Variants in RAB3B observed in about 807,000 individuals in gnomAD.
RAB3B encodes RAB3B, member RAS oncogene family.
Under a neutral mutation model 20.5 loss-of-function variants are expected in RAB3B, and 11 were observed. That is an observed-to-expected ratio of 0.54 (90% CI 0.34 to 0.89). The LOEUF (loss-of-function observed/expected upper bound fraction) is 0.89. RAB3B is among the 40% of genes least tolerant of loss of function. The pLI is 0.02. For synonymous variants in RAB3B, 99 were observed against 106.3 expected (o/e 0.93, Z 0.42); for missense variants, 225 against 280.9 (o/e 0.80, Z 1.42).
At chr1:51,924,674 G>A (rs866287120) in intron 4 of RAB3B, among the ~76,000 whole-genome samples, 3 of 152,268 alleles carry the variant, frequency 2.0e-5, no homozygotes, top group East Asian at 1.9e-4. Flanking sequence ...AAAGGTACCC[G>A]GAATGTGAGA....
At chr1:51,974,085 A>G (rs1006421670) in intron 2 of RAB3B, among the ~76,000 whole-genome samples, 1 of 152,176 alleles carries the variant, frequency 6.6e-6, no homozygotes. Context: ...TCTGCCACCT[A>G]TAGCCTCTCC....
intron 2 of RAB3B, among the ~76,000 whole-genome samples, chr1:51,957,312 C>T (rs1384898525): frequency 1.3e-5 from 2 of 152,200 alleles, no homozygotes; most frequent in Admixed American, 6.5e-5. Context: ...CTTATCACAT[C>T]CTCCAAGAAG....
chr1:51,923,096 C>T (rs1429263010), intron 4 of RAB3B, among the ~76,000 whole-genome samples: 4 of 152,162 alleles, frequency 2.6e-5, no homozygotes, highest in Non-Finnish European at 5.9e-5. Flanking sequence ...AAAAGACATG[C>T]TAATAAAGGC....
intron 2 of RAB3B, among the ~76,000 whole-genome samples, chr1:51,971,437 T>TTA (rs1334209032): frequency 7.4e-6 from 1 of 135,660 alleles, no homozygotes; most frequent in Non-Finnish European, 1.6e-5. Flanking sequence ...TTTTCTTTTC[T>TTA]TTTTTTTTTT....
chr1:51,989,384 C>G (rs1336012587), intron 1 of RAB3B, among the ~76,000 whole-genome samples: 1 of 151,794 alleles, frequency 6.6e-6, no homozygotes, highest in Non-Finnish European at 1.5e-5. Flanking sequence ...TTTTTCTGTC[C>G]ACGATTCTCT....
chr1:51,938,392 T>C (rs1292865294), intron 2 of RAB3B, among the ~76,000 whole-genome samples: 1 of 152,064 alleles, frequency 6.6e-6, no homozygotes, highest in Non-Finnish European at 1.5e-5. Context: ...ATCAGACAAA[T>C]ATGTATGTAC....
Position 51,912,573 on chromosome 1 carries a change from A to T in RAB3B, c.*7354T>A, listed in dbSNP as rs1191299127. On this transcript the variant is annotated 3_prime_UTR_variant, in exon 5 of 5. Transcript: ENST00000371655. ...AAAAAAAATATATATATATATATAT[A>T]TATATATATATATATATATATATAT... 3.7e-5 allele frequency: 3 copies of T among 81,676 alleles called. No individual in the cohort carries two copies. The highest frequency in any genetic ancestry group is 2.6e-4 in the Admixed American group (2 of 7,580). 5.1% of individuals were successfully genotyped at this position (81,676 alleles called of 1,614,324 possible).
At chr1:51,985,410 G>A (rs1359078217) in intron 1 of RAB3B, among the ~76,000 whole-genome samples, 1 of 152,184 alleles carries the variant, frequency 6.6e-6, no homozygotes, top group Non-Finnish European at 1.5e-5. Context: ...CATTTTTCAA[G>A]TGCCAGACTA....
At chr1:51,951,795 C>T (rs960632749) in intron 2 of RAB3B, among the ~76,000 whole-genome samples, 1 of 152,094 alleles carries the variant, frequency 6.6e-6, no homozygotes, top group African/African-American at 2.4e-5. Flanking sequence ...GCCTGGGTGA[C>T]AGAGCAAGAC....
chr1:51,960,190 A>G (rs1156634951), intron 2 of RAB3B, among the ~76,000 whole-genome samples: 3 of 152,258 alleles, frequency 2.0e-5, no homozygotes, highest in Non-Finnish European at 4.4e-5. Flanking sequence ...TGCTCTCAAT[A>G]AATGTTTATG....
intron 4 of RAB3B, among the ~76,000 whole-genome samples, chr1:51,928,911 T>G (rs1684285139): frequency 6.6e-6 from 1 of 152,236 alleles, no homozygotes; most frequent in African/African-American, 2.4e-5. Flanking sequence ...TCAGAAAACC[T>G]TAACTCTCCA....
chr1:51,945,695 G>C (rs1684555021), intron 2 of RAB3B, among the ~76,000 whole-genome samples: 1 of 152,260 alleles, frequency 6.6e-6, no homozygotes, highest in Non-Finnish European at 1.5e-5. Context: ...TGCCCTGCTA[G>C]AGTGGATGGG....
intron 4 of RAB3B, among the ~76,000 whole-genome samples, chr1:51,926,237 A>G (rs981254175): frequency 6.6e-6 from 1 of 152,194 alleles, no homozygotes; most frequent in Non-Finnish European, 1.5e-5. Context: ...TTGTTTCCCT[A>G]GTCAGTGTGC....
chr1:51,956,557 C>G (rs6660010), intron 2 of RAB3B, among the ~76,000 whole-genome samples: 12,419 of 152,232 alleles, frequency 0.082, 868 homozygotes, highest in African/African-American at 0.18. Context: ...CTTTTCTCCT[C>G]AGGTTCTGAC....
At position 51,983,829 on chromosome 1, in the gene RAB3B, G is replaced by A. The variant is rs538074333; in HGVS notation, c.1-6712C>T. Among the ~76,000 whole-genome samples the A allele has an allele frequency of 2.7e-3, 409 of 150,052 alleles. 3 individuals carry two copies. Among genetic ancestry groups the A allele is most frequent in the African/African-American group, 9.6e-3 (390 of 40,800 alleles). On this transcript the variant is annotated intron_variant, in intron 1 of 4. Transcript: ENST00000371655. ...ATAAAAATTAGCCAGGTGTGGTGGC[G>A]CACACCTGTAATTCCAGCTAGTCAG...
chr1:51,937,244 G>A (rs1684417911), intron 3 of RAB3B, 50 bp downstream of exon 3: 1 of 1,422,068 alleles, frequency 7.0e-7, no homozygotes, highest in African/African-American at 1.4e-5. Context: ...GCACATGTTA[G>A]GTTTTAATGA....
chr1:51,924,848 A>T (rs1439311407), intron 4 of RAB3B, among the ~76,000 whole-genome samples: 1 of 152,076 alleles, frequency 6.6e-6, no homozygotes, highest in African/African-American at 2.4e-5. Flanking sequence ...ATTAATAAGG[A>T]CTTTTAGGAG....
chr1:51,940,119 C>A (rs996710787), intron 2 of RAB3B, among the ~76,000 whole-genome samples: 1 of 152,180 alleles, frequency 6.6e-6, no homozygotes, highest in African/African-American at 2.4e-5. Context: ...AACTAAGATT[C>A]ATTCAGAACT....
rs1451049642 is a variant in RAB3B, at chr1:51,910,635, G to A, written c.*9292C>T. The stretch of plus-strand genomic sequence containing the variant: ...AGAAAGGAAGCTTTAGTAATGAAAG[G>A]ATTGCTGCCAAAATCCTGTTTCCCC... On this transcript the variant is annotated 3_prime_UTR_variant, in exon 5 of 5. Coordinates refer to ENST00000371655, the MANE Select transcript of RAB3B (RefSeq NM_002867.4). 2.6e-5 allele frequency: 4 copies of A among 152,112 alleles called. No homozygotes were observed. The highest frequency in any genetic ancestry group is 2.6e-4 in the Admixed American group (4 of 15,242). 9.4% of individuals were successfully genotyped at this position (152,112 alleles called of 1,614,324 possible). A position where few individuals can be genotyped will look rare whatever the true frequency, so the allele number is the denominator to read the frequency against.
Sources: gnomAD v4.1 joint callset for allele counts (sites outside exome capture counted in the v4.1 genomes callset) on GRCh38, gnomAD v4.1.1 for gene constraint, MANE v1.5 for transcripts, NCBI Gene and HGNC (gene_info 2026-07-23, HGNC 2026-07-21) for gene names.